The following MTUS2 variants were observed in gnomAD, a reference collection of about 807,000 sequenced individuals.
MTUS2 encodes the protein microtubule-associated tumor suppressor candidate 2.
A neutral mutation model predicts 114.1 loss-of-function variants in MTUS2; 40 were observed. That is an observed-to-expected ratio of 0.35 (90% CI 0.27 to 0.46). The LOEUF (loss-of-function observed/expected upper bound fraction) is 0.46. MTUS2 is among the 20% of genes least tolerant of loss of function. MTUS2 has a pLI of 1.00. For missense variants in MTUS2, 1,679 were observed against 1,705.4 expected, an observed-to-expected ratio of 0.98 and a Z score of 0.27; for synonymous variants, 688 against 672.0, an observed-to-expected ratio of 1.02 and a Z score of -0.37.
intron 5 of MTUS2, among the ~76,000 whole-genome samples, chr13:29,131,650 T>A (rs1407243021): frequency 2.0e-5 from 3 of 152,248 alleles, no homozygotes; most frequent in Non-Finnish European, 2.9e-5. Flanking sequence ...CTACAGGGAT[T>A]AATGCTGTGA....
At chr13:29,055,914 T>C (rs1424713080) in intron 4 of MTUS2, among the ~76,000 whole-genome samples, 1 of 152,136 alleles carries the variant, frequency 6.6e-6, no homozygotes, top group Admixed American at 6.5e-5. Flanking sequence ...GCTTGTTTTT[T>C]TTTCTTTTGA....
intron 5 of MTUS2, among the ~76,000 whole-genome samples, chr13:29,167,674 G>A (rs1281703701): frequency 1.3e-5 from 2 of 152,082 alleles, no homozygotes; most frequent in Admixed American, 6.5e-5. Flanking sequence ...AGCATCCCAA[G>A]TTTGAAAATT....
intron 4 of MTUS2, among the ~76,000 whole-genome samples, chr13:29,080,586 T>C (rs1889397059): frequency 6.6e-6 from 1 of 152,232 alleles, no homozygotes; most frequent in Admixed American, 6.5e-5. Flanking sequence ...AAATGTAGGC[T>C]TGGAGGCTAA....
At chr13:29,037,808 A>G (rs188009923) in intron 4 of MTUS2, among the ~76,000 whole-genome samples, 6 of 152,206 alleles carry the variant, frequency 3.9e-5, no homozygotes, top group South Asian at 2.1e-4. Flanking sequence ...CGATTCAGCT[A>G]TTGATACTTG....
intron 2 of MTUS2, among the ~76,000 whole-genome samples, chr13:28,974,731 G>A (rs564933855): frequency 2.6e-5 from 4 of 152,062 alleles, no homozygotes; most frequent in African/African-American, 9.7e-5. Flanking sequence ...TACCAGTTTT[G>A]TGTTATTTTC....
chr13:29,498,931 C>T (rs1286109814), intron 14 of MTUS2, among the ~76,000 whole-genome samples: 1 of 152,194 alleles, frequency 6.6e-6, no homozygotes, highest in East Asian at 1.9e-4. Flanking sequence ...GAGCAGCTGC[C>T]GCCACCAGCC....
intron 4 of MTUS2, among the ~76,000 whole-genome samples, chr13:29,055,976 T>C (rs1225441472): frequency 6.6e-6 from 1 of 152,144 alleles, no homozygotes; most frequent in Non-Finnish European, 1.5e-5. Context: ...GTAGGATGCA[T>C]AGTTTGCAAA....
chr13:29,247,548 A>ACAAATCAGAAG (rs552584277), intron 5 of MTUS2, among the ~76,000 whole-genome samples: 27 of 152,258 alleles, frequency 1.8e-4, no homozygotes, highest in Non-Finnish European at 3.5e-4. Context: ...AGGGACTCAA[A>ACAAATCAGAAG]CAAATCAGAA....
chr13:29,379,163 C>G lies in MTUS2; in HGVS notation c.3117+19690C>G, dbSNP rs533544718. Among the ~76,000 whole-genome samples, 575 of 152,270 alleles carry G rather than the reference C, an allele frequency of 3.8e-3. 3 individuals are homozygous for G. The highest frequency in any genetic ancestry group is 0.013 in the African/African-American group (542 of 41,542). ...TAAACCTCTTTCCTTTATAAATTAC[C>G]CAGTCTCAGGTATTCACAGCAGCAT... On this transcript the variant is annotated intron_variant, in intron 8 of 15. Transcript: ENST00000612955.
intron 2 of MTUS2, among the ~76,000 whole-genome samples, chr13:28,890,727 A>T (rs1281148860): frequency 6.6e-6 from 1 of 152,166 alleles, no homozygotes; most frequent in Non-Finnish European, 1.5e-5. Flanking sequence ...ATTAGATTAC[A>T]TTTTATTAAT....
Position 29,112,110 on chromosome 13 carries a change from G to A in MTUS2, c.2644+11140G>A, listed in dbSNP as rs1593488711. Among the ~76,000 whole-genome samples, 3 of 152,120 alleles carry A rather than the reference G, an allele frequency of 2.0e-5. No homozygotes were observed. In the East Asian group the frequency reaches 5.8e-4, roughly 29 times the overall value. On this transcript the variant is annotated intron_variant, in intron 5 of 15. Coordinates refer to ENST00000612955, the MANE Select transcript of MTUS2 (RefSeq NM_001033602.4). ...CCTATAACTACATCCAGCAGATTTG[G>A]GCTGAAAATAAGGAGAACAGCCATG...
chr13:29,054,403 A>G (rs1000362839), intron 4 of MTUS2, among the ~76,000 whole-genome samples: 4 of 152,150 alleles, frequency 2.6e-5, no homozygotes, highest in Non-Finnish European at 5.9e-5. Flanking sequence ...TTCAAAGAGT[A>G]GACTTTTAAT....
At chr13:29,239,999 T>C (rs1896675864) in intron 5 of MTUS2, 1 of 152,048 alleles carries the variant, frequency 6.6e-6, no homozygotes, top group Non-Finnish European at 1.5e-5. Flanking sequence ...TAAGCTCAAT[T>C]CTCAGAAAAA....
At chr13:28,945,981 C>A (rs1882505247) in intron 2 of MTUS2, among the ~76,000 whole-genome samples, 1 of 152,148 alleles carries the variant, frequency 6.6e-6, no homozygotes, top group African/African-American at 2.4e-5. Context: ...AGCTTTACCT[C>A]ATGGATGATG....
chr13:29,477,737 C>G (rs1373659637), intron 9 of MTUS2, among the ~76,000 whole-genome samples: 1 of 152,074 alleles, frequency 6.6e-6, no homozygotes. Flanking sequence ...TTAGAAATAC[C>G]TCACCTAAAA....
chr13:29,212,200 A>G (rs1007546690), intron 5 of MTUS2, among the ~76,000 whole-genome samples: 4 of 152,024 alleles, frequency 2.6e-5, no homozygotes, highest in Admixed American at 2.6e-4. Flanking sequence ...TCTTTGGTCC[A>G]TGGTTATTTG....
At chr13:29,011,601 G>A (rs1885846538) in intron 2 of MTUS2, among the ~76,000 whole-genome samples, 1 of 151,896 alleles carries the variant, frequency 6.6e-6, no homozygotes, top group African/African-American at 2.4e-5. Flanking sequence ...CATGTTTCTG[G>A]GCTGAGTTGG....
intron 2 of MTUS2, among the ~76,000 whole-genome samples, chr13:28,966,316 A>G (rs967348195): frequency 6.6e-6 from 1 of 152,242 alleles, no homozygotes; most frequent in East Asian, 1.9e-4. Flanking sequence ...TTTATTTTAG[A>G]GACTTGTTTA....
At chr13:28,958,619 G>A (rs929279786) in intron 2 of MTUS2, among the ~76,000 whole-genome samples, 2 of 152,176 alleles carry the variant, frequency 1.3e-5, no homozygotes, top group Non-Finnish European at 2.9e-5. Context: ...GAAATTCTCT[G>A]GAGGCAGCCA....
Sources: allele counts gnomAD v4.1 joint callset (sites outside exome capture counted in the v4.1 genomes callset), GRCh38; gene constraint gnomAD v4.1.1; transcripts MANE v1.5; gene names NCBI Gene and HGNC (gene_info 2026-07-23, HGNC 2026-07-21).